Variants in AGBL1 observed in about 807,000 individuals in gnomAD.
AGBL1 encodes the protein AGBL carboxypeptidase 1.
AGBL1 carries 130 observed loss-of-function variants against 118.9 expected under a neutral mutation model. The ratio of observed to expected loss-of-function variants is 1.09; its 90% CI spans 0.95 to 1.26. AGBL1 has a LOEUF of 1.26. Ranked by LOEUF, AGBL1 falls within the 50% of genes most tolerant of loss-of-function variation. The probability of loss-of-function intolerance (pLI) is 0.00; values close to 1 mark genes in which losing one functional copy is unlikely to be tolerated. For missense variants in AGBL1, 1,584 were observed against 1,298.1 expected (o/e 1.22, Z -3.38); for synonymous variants, 555 against 478.9 (o/e 1.16, Z -2.08).
intron 23 of AGBL1, among the ~76,000 whole-genome samples, chr15:86,944,742 TCA>T: frequency 6.6e-6 from 1 of 152,192 alleles, no homozygotes; most frequent in Non-Finnish European, 1.5e-5. Flanking sequence ...AATATGTATT[TCA>T]CATTAGAAAA....
At position 86,435,903 on chromosome 15, in the gene AGBL1, C is replaced by T. The variant is rs76316528; in HGVS notation, c.2555+38357C>T. Among the ~76,000 whole-genome samples the T allele has an allele frequency of 1.4e-4, 22 of 152,184 alleles. No individual in the cohort carries two copies. In the East Asian group the frequency reaches 2.3e-3, roughly 16 times the overall value. On this transcript the variant is annotated intron_variant, in intron 18 of 22. Coordinates refer to ENST00000614907, the MANE Select transcript of AGBL1 (RefSeq NM_001386094.1). ...TTCTAGTTAATTACCAATATATTAC[C>T]AATATATAGCAACACAATAATAATT...
chr15:86,108,909 A>G (rs574248913), intron 1 of AGBL1, among the ~76,000 whole-genome samples: 8 of 152,320 alleles, frequency 5.3e-5, no homozygotes, highest in South Asian at 2.1e-4. Context: ...GTGAGCCAAG[A>G]TCGCGCCACT....
chr15:86,143,765 TAGACACAGCGAGGAC>T lies in AGBL1; in HGVS notation c.185_199del (p.Asp62_Thr66del). ...AGTGAAGCTCTTCTGCAGACCCTGG[TAGACACAGCGAGGAC>T]AGCTCCTCCAGACTATGACATCCTC... On this transcript the variant is annotated inframe_deletion, in exon 3 of 23. Coordinates refer to ENST00000614907, the MANE Select transcript of AGBL1 (RefSeq NM_001386094.1). 1 of 1,613,908 alleles carries T rather than the reference TAGACACAGCGAGGAC, an allele frequency of 6.2e-7. No homozygotes were observed. The highest frequency in any genetic ancestry group is 8.5e-7 in the Non-Finnish European group (1 of 1,179,812).
chr15:86,576,493 G>A (rs1443492753), intron 21 of AGBL1, among the ~76,000 whole-genome samples: 1 of 152,184 alleles, frequency 6.6e-6, no homozygotes, highest in Non-Finnish European at 1.5e-5. Context: ...TTGAACAGTT[G>A]GCTGCCTTTG....
chr15:86,412,216 C>T (rs1361212609), intron 18 of AGBL1, among the ~76,000 whole-genome samples: 3 of 152,184 alleles, frequency 2.0e-5, no homozygotes, highest in Non-Finnish European at 2.9e-5. Context: ...CGTGGATCAC[C>T]AAGTCGAGGA....
chr15:86,559,937 G>C (rs538874260), intron 21 of AGBL1, among the ~76,000 whole-genome samples: 1 of 152,072 alleles, frequency 6.6e-6, no homozygotes, highest in Non-Finnish European at 1.5e-5. Context: ...CAACAGGTGA[G>C]CCACTTAACC....
At chr15:86,768,875 A>T (rs1353676403) in intron 22 of AGBL1, among the ~76,000 whole-genome samples, 1 of 151,992 alleles carries the variant, frequency 6.6e-6, no homozygotes, top group Admixed American at 6.6e-5. Context: ...CCCTTTAAAA[A>T]TAATCTGTAG....
At chr15:86,795,128 G>T (rs1320998554) in intron 22 of AGBL1, among the ~76,000 whole-genome samples, 1 of 152,200 alleles carries the variant, frequency 6.6e-6, no homozygotes, top group Non-Finnish European at 1.5e-5. Context: ...TGGCTCTGAG[G>T]GCTACAAGGC....
intron 20 of AGBL1, among the ~76,000 whole-genome samples, chr15:86,550,773 G>T (rs1341156832): frequency 6.6e-6 from 1 of 151,582 alleles, no homozygotes; most frequent in East Asian, 1.9e-4. Flanking sequence ...CAAAACAAAA[G>T]AATGTATATT....
At chr15:86,393,512 G>T (rs185983024) in intron 17 of AGBL1, among the ~76,000 whole-genome samples, 42 of 152,228 alleles carry the variant, frequency 2.8e-4, no homozygotes, top group African/African-American at 9.6e-4. Flanking sequence ...ATACTGGTTG[G>T]GTACAAATTC....
At chr15:86,607,335 G>T (rs1221873064) in intron 21 of AGBL1, among the ~76,000 whole-genome samples, 1 of 152,100 alleles carries the variant, frequency 6.6e-6, no homozygotes, top group Non-Finnish European at 1.5e-5. Flanking sequence ...TGATGTGCTT[G>T]GTTCATTCTC....
intron 22 of AGBL1, among the ~76,000 whole-genome samples, chr15:86,796,543 A>T (rs764031359): frequency 1.8e-4 from 28 of 152,322 alleles, no homozygotes; most frequent in Non-Finnish European, 3.2e-4. Flanking sequence ...GTGGCCCAAG[A>T]TTTAGCTATG....
chr15:86,625,829 C>T (rs1316455480), intron 21 of AGBL1, among the ~76,000 whole-genome samples: 1 of 152,038 alleles, frequency 6.6e-6, no homozygotes, highest in African/African-American at 2.4e-5. Context: ...GAGAATCCAG[C>T]CATGCCAATA....
chr15:86,903,142 T>A (rs2080235258), intron 22 of AGBL1, among the ~76,000 whole-genome samples: 1 of 152,066 alleles, frequency 6.6e-6, no homozygotes, highest in African/African-American at 2.4e-5. Flanking sequence ...TTTTCTACTT[T>A]CAGGTTTACT....
chr15:86,371,823 A>G (rs1016942752), intron 17 of AGBL1, among the ~76,000 whole-genome samples: 1 of 152,078 alleles, frequency 6.6e-6, no homozygotes, highest in African/African-American at 2.4e-5. Context: ...ACCCTTTGTA[A>G]TGTGTTTTGG....
intron 23 of AGBL1, among the ~76,000 whole-genome samples, chr15:86,974,748 T>G (rs2081155776): frequency 6.6e-6 from 1 of 151,336 alleles, no homozygotes; most frequent in South Asian, 2.1e-4. Context: ...GACTATCAGT[T>G]TTTGAATTTC....
intron 17 of AGBL1, among the ~76,000 whole-genome samples, chr15:86,310,352 AT>A (rs946362487): frequency 1.3e-5 from 2 of 150,906 alleles, no homozygotes; most frequent in African/African-American, 4.9e-5. Flanking sequence ...AATTTTGTTT[AT>A]TTTTTTGAAA....
At chr15:86,448,167 C>T (rs1219406938) in intron 18 of AGBL1, among the ~76,000 whole-genome samples, 3 of 152,002 alleles carry the variant, frequency 2.0e-5, no homozygotes, top group Admixed American at 2.0e-4. Flanking sequence ...TAAGAAGTAT[C>T]GAAACAGAAT....
chr15:86,670,074 G>C (rs1208332494), intron 21 of AGBL1, among the ~76,000 whole-genome samples: 2 of 151,746 alleles, frequency 1.3e-5, no homozygotes, highest in Non-Finnish European at 2.9e-5. Context: ...AGACACTTAT[G>C]GTTTTATTTC....
Sources: gnomAD v4.1 joint callset for allele counts (sites outside exome capture counted in the v4.1 genomes callset) on GRCh38, gnomAD v4.1.1 for gene constraint, MANE v1.5 for transcripts, NCBI Gene and HGNC (gene_info 2026-07-23, HGNC 2026-07-21) for gene names.